The following SYT14 variants were observed in gnomAD, a reference collection of about 807,000 sequenced individuals.
The protein encoded by SYT14 is synaptotagmin 14.
A neutral mutation model predicts 74.2 loss-of-function variants in SYT14; 32 were observed. The ratio of observed to expected loss-of-function variants is 0.43; its 90% CI spans 0.33 to 0.58. SYT14 has a LOEUF of 0.58. SYT14 is among the 20% of genes least tolerant of loss of function. The pLI is 0.05. For synonymous variants in SYT14, 298 were observed against 337.7 expected (o/e 0.88, Z 1.29); for missense variants, 791 against 981.8 (o/e 0.81, Z 2.60).
intron 2 of SYT14, among the ~76,000 whole-genome samples, chr1:209,987,311 A>G (rs141871208): frequency 0.027 from 4,140 of 152,274 alleles, 200 homozygotes; most frequent in African/African-American, 0.093. Flanking sequence ...AATACCTGAG[A>G]CTGGATAATT....
At chr1:210,104,402 A>G (rs927461455) in intron 7 of SYT14, among the ~76,000 whole-genome samples, 3 of 152,184 alleles carry the variant, frequency 2.0e-5, no homozygotes, top group African/African-American at 7.2e-5. Flanking sequence ...TTGTTTTCAA[A>G]TAAGAATCGT....
intron 5 of SYT14, among the ~76,000 whole-genome samples, chr1:210,093,081 A>G (rs2102521678): frequency 6.6e-6 from 1 of 152,256 alleles, no homozygotes; most frequent in Admixed American, 6.5e-5. Flanking sequence ...TGGTTAGACT[A>G]TTAGACTCAC....
chr1:210,148,674 A>G (rs1055171088), intron 7 of SYT14, among the ~76,000 whole-genome samples: 35 of 152,224 alleles, frequency 2.3e-4, no homozygotes, highest in Non-Finnish European at 2.6e-4. Context: ...AAGAGTGATT[A>G]TCATTAAAGA....
Position 209,938,289 on chromosome 1 carries a change from C to A in SYT14, c.-534+12C>A. 1 of 1,556,918 alleles carries A rather than the reference C, an allele frequency of 6.4e-7. No homozygotes were observed. On this transcript the variant is annotated intron_variant, in intron 1 of 9. Transcript: ENST00000637265. ...CATGGCGATTGAAGGTAAGTGGAGG[C>A]TGACAGCGGGGAGCGAGGACCGGGA... is the stretch of plus-strand genomic sequence containing the variant.
At chr1:210,166,381 C>T (rs1371402648) in exon 10 of SYT14, 1 of 152,318 alleles carries the variant, frequency 6.6e-6, no homozygotes, top group Non-Finnish European at 1.5e-5. Flanking sequence ...GCCTGGGCAA[C>T]ATAGCAAAAC....
chr1:210,150,914 C>T (rs533319554), intron 7 of SYT14, among the ~76,000 whole-genome samples: 19 of 152,220 alleles, frequency 1.2e-4, no homozygotes, highest in African/African-American at 4.6e-4. Context: ...TATGTATGTA[C>T]AAGCTTCCAC....
chr1:209,966,503 C>G (rs2079160798), intron 2 of SYT14, among the ~76,000 whole-genome samples: 1 of 152,064 alleles, frequency 6.6e-6, no homozygotes, highest in African/African-American at 2.4e-5. Context: ...TTTAGTTCTT[C>G]TTTAATTTTC....
intron 1 of SYT14, among the ~76,000 whole-genome samples, chr1:209,951,644 A>G (rs2078913313): frequency 6.6e-6 from 1 of 152,218 alleles, no homozygotes; most frequent in Non-Finnish European, 1.5e-5. Context: ...TGGGAAACAG[A>G]GACATATGTT....
In SYT14 at chr1:209,970,662, CTTTTTTTTTTTTTTTTTTTTT is replaced by C. The variant is rs35639848; in HGVS notation, c.-486+17925_-486+17945del. On this transcript the variant is annotated intron_variant, in intron 2 of 9. Transcript: ENST00000637265. The stretch of plus-strand genomic sequence containing the variant: ...TTACAGATTGCTTTGGGCAGTATGG[CTTTTTTTTTTTTTTTTTTTTT>C]TTTTTTTTTTTTTTTTTTGAGGCAG... Among the ~76,000 whole-genome samples, 121 of 62,800 alleles carry C rather than the reference CTTTTTTTTTTTTTTTTTTTTT, an allele frequency of 1.9e-3. 3 individuals are homozygous for C. The highest frequency in any genetic ancestry group is 3.7e-3 in the South Asian group (6 of 1,616). The allele number at this position is 62,800 out of a possible 152,430, so 41.2% of individuals were successfully genotyped here. A position where few individuals can be genotyped will look rare whatever the true frequency, so the allele number is the denominator to read the frequency against.
At chr1:210,124,807 G>A (rs1486972001) in intron 7 of SYT14, among the ~76,000 whole-genome samples, 1 of 151,588 alleles carries the variant, frequency 6.6e-6, no homozygotes, top group Non-Finnish European at 1.5e-5. Context: ...CAAAGTCACT[G>A]TGTTACATTT....
intron 2 of SYT14, among the ~76,000 whole-genome samples, chr1:209,996,477 A>C (rs1433786030): frequency 6.6e-6 from 1 of 152,112 alleles, no homozygotes; most frequent in Non-Finnish European, 1.5e-5. Flanking sequence ...TACTAACCAA[A>C]ACAAAAAAGA....
At chr1:210,131,509 C>G (rs185088456) in intron 7 of SYT14, among the ~76,000 whole-genome samples, 1 of 151,664 alleles carries the variant, frequency 6.6e-6, no homozygotes, top group East Asian at 1.9e-4. Context: ...AGAGGCAAGA[C>G]TTATGGAAAA....
rs1458836243 is a variant in SYT14 at position 210,159,416 on chromosome 1, G to A, written c.2225-5G>A. 10 of 1,551,200 alleles carry A rather than the reference G, an allele frequency of 6.4e-6. No individual in the cohort carries two copies. Among genetic ancestry groups the A allele is most frequent in the African/African-American group, 1.4e-5 (1 of 72,980 alleles). Reference sequence around the variant, plus strand: ...CTTTTACTGCTTTCCACCCCCTGTTGTCAGATGGACTGTTCTGTTGTCTAA... The same window carrying A: ...CTTTTACTGCTTTCCACCCCCTGTTATCAGATGGACTGTTCTGTTGTCTAA... On this transcript the variant is annotated splice_region_variant and splice_polypyrimidine_tract_variant and intron_variant, in intron 8 of 9. Transcript: ENST00000637265.
Position 210,006,349 on chromosome 1 carries a change from A to G in SYT14, c.-485-7284A>G, listed in dbSNP as rs1306542907. Among the ~76,000 whole-genome samples, 4 of 152,016 alleles carry G rather than the reference A, an allele frequency of 2.6e-5. No homozygotes were observed. The East Asian group carries it at 5.8e-4, about 22-fold the overall frequency. On this transcript the variant is annotated intron_variant, in intron 2 of 9. Transcript: ENST00000637265. ...AAATGTTATAAAAGGAAACTGAAACATACTAACCTTCTGTTTTCCTAAATT... is the reference window on the plus strand; with the variant it reads ...AAATGTTATAAAAGGAAACTGAAACGTACTAACCTTCTGTTTTCCTAAATT...
intron 1 of SYT14, among the ~76,000 whole-genome samples, chr1:209,940,367 C>CT (rs35220448): frequency 0.12 from 17,443 of 144,800 alleles, 3,109 homozygotes; most frequent in African/African-American, 0.4. Flanking sequence ...TTCAGTAGAC[C>CT]TTTTTTTTTT....
chr1:210,124,874 T>G lies in SYT14; in HGVS notation c.2034+24413T>G, dbSNP rs1042033426. On this transcript the variant is annotated intron_variant, in intron 7 of 9. Transcript: ENST00000637265. ...CCTTTCTAGTTTTTTTTGTGTGGTT[T>G]TTTTTTTTCCTGTACTTCAAGAGAA... is the stretch of plus-strand genomic sequence containing the variant. Among the ~76,000 whole-genome samples, 3 of 152,136 alleles carry G rather than the reference T, an allele frequency of 2.0e-5. No homozygotes were observed. The East Asian group carries it at 5.8e-4, about 29-fold the overall frequency.
chr1:210,000,613 CTTT>C (rs71146203), intron 2 of SYT14, among the ~76,000 whole-genome samples: 2 of 105,424 alleles, frequency 1.9e-5, no homozygotes, highest in African/African-American at 3.8e-5. Flanking sequence ...TTTATGCCTT[CTTT>C]TTTTTTTTTT....
chr1:210,157,527 A>G (rs1447983351), intron 8 of SYT14, among the ~76,000 whole-genome samples: 1 of 151,804 alleles, frequency 6.6e-6, no homozygotes, highest in East Asian at 1.9e-4. Context: ...GTGGATCACG[A>G]GGTCAGGAGA....
intron 5 of SYT14, among the ~76,000 whole-genome samples, chr1:210,043,507 T>C (rs1646211927): frequency 6.6e-6 from 1 of 152,156 alleles, no homozygotes; most frequent in South Asian, 2.1e-4. Flanking sequence ...GTTGTTATGG[T>C]AATCCAAATG....
Sources: gnomAD v4.1 joint callset for allele counts (sites outside exome capture counted in the v4.1 genomes callset) on GRCh38, gnomAD v4.1.1 for gene constraint, MANE v1.5 for transcripts, NCBI Gene and HGNC (gene_info 2026-07-23, HGNC 2026-07-21) for gene names.